CACNB2: variants seen among roughly 807,000 people sequenced by gnomAD.
The protein encoded by CACNB2 is voltage-dependent L-type calcium channel subunit beta-2.
In CACNB2, 42 loss-of-function variants were observed where a neutral mutation model predicts 73.3. That is an observed-to-expected ratio of 0.57 (90% CI 0.45 to 0.74). The LOEUF (loss-of-function observed/expected upper bound fraction) is 0.74, where lower values mean the gene tolerates loss of function less well. CACNB2 is among the 30% of genes least tolerant of loss of function. The pLI, the probability that CACNB2 is intolerant of heterozygous loss-of-function variation, is 0.00. For synonymous variants in CACNB2, 348 were observed against 310.3 expected (o/e 1.12, Z -1.28); for missense variants, 940 against 853.0 (o/e 1.10, Z -1.27).
chr10:18,372,874 A>G (rs1302847094), intron 2 of CACNB2, among the ~76,000 whole-genome samples: 2 of 152,236 alleles, frequency 1.3e-5, no homozygotes, highest in East Asian at 3.8e-4. Flanking sequence ...CAGGTGCTGA[A>G]TAAATTCTTA....
intron 3 of CACNB2, among the ~76,000 whole-genome samples, chr10:18,479,138 T>C (rs1251878038): frequency 1.3e-5 from 2 of 152,232 alleles, no homozygotes; most frequent in Non-Finnish European, 2.9e-5. Context: ...TTTTATGTAA[T>C]ATGGATCATT....
chr10:18,189,871 T>G (rs894961144), intron 2 of CACNB2, among the ~76,000 whole-genome samples: 1 of 152,232 alleles, frequency 6.6e-6, no homozygotes, highest in Non-Finnish European at 1.5e-5. Flanking sequence ...GATCTTTGCA[T>G]GTTTACTAGG....
At chr10:18,232,131 G>A (rs2036247044) in intron 2 of CACNB2, among the ~76,000 whole-genome samples, 1 of 152,144 alleles carries the variant, frequency 6.6e-6, no homozygotes, top group Middle Eastern at 3.4e-3. Flanking sequence ...TTTCTTTTGG[G>A]GTTGATCATT....
intron 1 of CACNB2, chr10:18,141,264 C>A (rs571955824): frequency 7.1e-7 from 1 of 1,399,966 alleles, no homozygotes; most frequent in African/African-American, 1.4e-5. Context: ...GCGCTTTCTA[C>A]GATGCCGACT....
chr10:18,369,187 TAA>T (rs2042474985), intron 2 of CACNB2, among the ~76,000 whole-genome samples: 1 of 152,208 alleles, frequency 6.6e-6, no homozygotes, highest in Admixed American at 6.5e-5. Flanking sequence ...AGTCTTACAG[TAA>T]AATTTGCCAG....
At chr10:18,177,536 G>A (rs1028756841) in intron 2 of CACNB2, among the ~76,000 whole-genome samples, 9 of 150,026 alleles carry the variant, frequency 6.0e-5, no homozygotes, top group African/African-American at 1.7e-4. Context: ...CTGAGATCAC[G>A]CCACGGCACT....
intron 2 of CACNB2, among the ~76,000 whole-genome samples, chr10:18,358,149 C>T (rs2041997716): frequency 6.6e-6 from 1 of 152,208 alleles, no homozygotes; most frequent in South Asian, 2.1e-4. Flanking sequence ...GGCAGTGGCA[C>T]GATCTCAGCT....
chr10:18,331,644 C>T (rs1329151237), intron 2 of CACNB2, among the ~76,000 whole-genome samples: 5 of 152,044 alleles, frequency 3.3e-5, no homozygotes, highest in African/African-American at 9.7e-5. Context: ...GGTTTGAAGA[C>T]TAAGTCACTA....
intron 2 of CACNB2, among the ~76,000 whole-genome samples, chr10:18,170,064 T>C (rs1588608467): frequency 6.6e-6 from 1 of 152,220 alleles, no homozygotes; most frequent in Non-Finnish European, 1.5e-5. Context: ...GTGCACCTCA[T>C]TGGCTCTGGT....
chr10:18,464,418 T>TTAAAAAAAAAAAAAAAAAAA lies in CACNB2; in HGVS notation c.334-33937_334-33936insTAAAAAAAAAAAAAAAAAAA, dbSNP rs1360690647. Among the ~76,000 whole-genome samples, 280 of 85,240 alleles carry TTAAAAAAAAAAAAAAAAAAA rather than the reference T, an allele frequency of 3.3e-3. 21 individuals are homozygous for TTAAAAAAAAAAAAAAAAAAA. The highest frequency in any genetic ancestry group is 6.9e-3 in the South Asian group (13 of 1,884). 55.9% of individuals were successfully genotyped at this position (85,240 alleles called of 152,430 possible). On this transcript the variant is annotated intron_variant, in intron 3 of 13. Coordinates refer to ENST00000324631, the MANE Select transcript of CACNB2 (RefSeq NM_201596.3). ...CAGAGTGAGACCCTGTCTCAAAAATTAAAAAAAAAAAAAAAAAAAAAAGAA... is the reference window on the plus strand; with the variant it reads ...CAGAGTGAGACCCTGTCTCAAAAATTTAAAAAAAAAAAAAAAAAAAAAAAAAAAAAAAAAAAAAAAAAGAA...
At chr10:18,186,278 G>A (rs1360037752) in intron 2 of CACNB2, among the ~76,000 whole-genome samples, 1 of 152,020 alleles carries the variant, frequency 6.6e-6, no homozygotes, top group African/African-American at 2.4e-5. Flanking sequence ...AATTAGCTGG[G>A]CGTGGTGGTG....
intron 2 of CACNB2, among the ~76,000 whole-genome samples, chr10:18,337,516 AAC>A (rs2041056214): frequency 6.6e-6 from 1 of 152,224 alleles, no homozygotes; most frequent in Non-Finnish European, 1.5e-5. Context: ...AAAAATTTTT[AAC>A]AGTTTTTCCT....
intron 3 of CACNB2, among the ~76,000 whole-genome samples, chr10:18,445,964 G>A (rs911205702): frequency 1.3e-5 from 2 of 152,204 alleles, no homozygotes; most frequent in Non-Finnish European, 1.5e-5. Flanking sequence ...AACCCAGGAG[G>A]AGGAGGTTTC....
chr10:18,264,757 G>A (rs936377611), intron 2 of CACNB2, among the ~76,000 whole-genome samples: 4 of 152,154 alleles, frequency 2.6e-5, no homozygotes, highest in African/African-American at 9.7e-5. Flanking sequence ...TGATGACTTA[G>A]TGATCCATGC....
At chr10:18,335,133 A>AG (rs2132037677) in intron 2 of CACNB2, among the ~76,000 whole-genome samples, 1 of 152,180 alleles carries the variant, frequency 6.6e-6, no homozygotes, top group Admixed American at 6.5e-5. Context: ...GAAAAGTAAA[A>AG]AAAAAAAAAA....
At chr10:18,199,822 G>A (rs1471184802) in intron 2 of CACNB2, among the ~76,000 whole-genome samples, 1 of 152,116 alleles carries the variant, frequency 6.6e-6, no homozygotes, top group Non-Finnish European at 1.5e-5. Flanking sequence ...TAGTTCAGGC[G>A]AAGTGTGATG....
intron 2 of CACNB2, among the ~76,000 whole-genome samples, chr10:18,363,653 A>G (rs983408837): frequency 6.6e-6 from 1 of 152,172 alleles, no homozygotes; most frequent in Non-Finnish European, 1.5e-5. Flanking sequence ...TATGTATATG[A>G]CTAGACAATG....
intron 9 of CACNB2, among the ~76,000 whole-genome samples, chr10:18,522,486 C>T (rs1439274076): frequency 6.6e-6 from 1 of 152,054 alleles, no homozygotes; most frequent in East Asian, 1.9e-4. Context: ...TCTTTCTAGA[C>T]CACACCTACT....
intron 2 of CACNB2, among the ~76,000 whole-genome samples, chr10:18,235,635 C>T (rs2036412181): frequency 6.6e-6 from 1 of 152,208 alleles, no homozygotes; most frequent in Non-Finnish European, 1.5e-5. Context: ...AGGCTCGGGG[C>T]TGCTGCTGCT....
Sources: gnomAD v4.1 joint callset for allele counts (sites outside exome capture counted in the v4.1 genomes callset) on GRCh38, gnomAD v4.1.1 for gene constraint, MANE v1.5 for transcripts, NCBI Gene and HGNC (gene_info 2026-07-23, HGNC 2026-07-21) for gene names.